Variants in PCDHGB6 observed in about 807,000 individuals in gnomAD.
PCDHGB6 encodes protocadherin gamma subfamily B, 6, also known as protocadherin gamma-B6.
PCDHGB6 carries 51 observed loss-of-function variants against 59.1 expected under a neutral mutation model. The observed-to-expected ratio is 0.86, with a 90% CI of 0.69 to 1.09. The LOEUF is 1.09. PCDHGB6 is among the 50% of genes least tolerant of loss of function. PCDHGB6 has a pLI of 0.00. For synonymous variants in PCDHGB6, 466 were observed against 495.1 expected, an observed-to-expected ratio of 0.94 and a Z score of 0.78; for missense variants, 1,148 against 1,205.1, an observed-to-expected ratio of 0.95 and a Z score of 0.70.
intron 1 of PCDHGB6, chr5:141,418,046 G>A (rs757311166): frequency 1.9e-6 from 3 of 1,613,888 alleles, no homozygotes; most frequent in Admixed American, 3.3e-5. Flanking sequence ...GGATGTGTCG[G>A]CTCGCGAGCT....
chr5:141,432,615 T>G lies in PCDHGB6; in HGVS notation c.2418+21995T>G. ...GCCAGCGAGCCGGGACTCTTCTCGG[T>G]GGGTCTGCACACGGGCGAGGTGCGC... On this transcript the variant is annotated intron_variant, in intron 1 of 3. Coordinates refer to ENST00000520790, the MANE Select transcript of PCDHGB6 (RefSeq NM_018926.3). The surrounding 1 kb of genome is among the most constrained non-coding windows in gnomAD (Gnocchi z 6.0). The G allele has an allele frequency of 2.5e-6, 4 of 1,613,820 alleles. No homozygotes were observed. The highest frequency in any genetic ancestry group is 1.1e-5 in the South Asian group (1 of 91,054).
intron 1 of PCDHGB6, chr5:141,415,994 C>G: frequency 6.6e-6 from 2 of 303,006 alleles, no homozygotes; most frequent in East Asian, 6.9e-5. Context: ...GTTCTGAAGG[C>G]AGGTCTGGTA....
At chr5:141,426,453 G>A (rs902416171) in intron 1 of PCDHGB6, 4 of 310,612 alleles carry the variant, frequency 1.3e-5, no homozygotes, top group African/African-American at 8.6e-5. Flanking sequence ...ACATGCGGCT[G>A]CATGTTCAGG....
rs755936344 is a variant in PCDHGB6, at chr5:141,490,704, C to T, written c.2419-4103C>T. ...ATCCAGACACTGGGGATAATGCCCG[C>T]CTCACCTACTCCATTGTAGGAAATC... On this transcript the variant is annotated intron_variant, in intron 1 of 3. Transcript: ENST00000520790. The surrounding 1 kb of genome is among the most constrained non-coding windows in gnomAD (Gnocchi z 5.4). 6.2e-7 allele frequency: 1 copy of T among 1,614,166 alleles called. No homozygotes were observed.
At chr5:141,458,100 A>AT (rs2098937418) in intron 1 of PCDHGB6, among the ~76,000 whole-genome samples, 1 of 152,252 alleles carries the variant, frequency 6.6e-6, no homozygotes, top group Non-Finnish European at 1.5e-5. Context: ...GAGTACTTAC[A>AT]GATAGTCTCC....
rs919100488 is a variant in PCDHGB6 at position 141,511,573 on chromosome 5, G to A, written c.*400G>A. On this transcript the variant is annotated 3_prime_UTR_variant, in exon 4 of 4. Transcript: ENST00000520790. ...ACAGTTCCTCTTTCCCGAGTAAGGT[G>A]GTTGGGGTGTTGAAGTACCAAGTAA... 1.1e-4 allele frequency: 33 copies of A among 288,248 alleles called. No individual in the cohort carries two copies. Among genetic ancestry groups the A allele is most frequent in the African/African-American group, 7.1e-4 (33 of 46,356 alleles). The allele number at this position is 288,248 out of a possible 1,614,324, so 17.9% of individuals were successfully genotyped here.
At chr5:141,419,521 C>A (rs1418329404) in intron 1 of PCDHGB6, 1 of 1,612,240 alleles carries the variant, frequency 6.2e-7, no homozygotes, top group Non-Finnish European at 8.5e-7. Context: ...TGGTGGGCGA[C>A]CGTAACGACA....
At chr5:141,423,927 T>G (rs2096791636) in intron 1 of PCDHGB6, 4 of 1,240,434 alleles carry the variant, frequency 3.2e-6, no homozygotes, top group Non-Finnish European at 4.1e-6. Flanking sequence ...TATGCTGGTT[T>G]GGTTTGAAGT....
intron 1 of PCDHGB6, among the ~76,000 whole-genome samples, chr5:141,462,763 G>A (rs935087747): frequency 2.6e-5 from 4 of 152,036 alleles, no homozygotes; most frequent in Non-Finnish European, 4.4e-5. Context: ...TTTTCTTCCT[G>A]GCTTGGGGTC....
chr5:141,447,225 C>T (rs966197293), intron 1 of PCDHGB6, among the ~76,000 whole-genome samples: 9 of 151,960 alleles, frequency 5.9e-5, no homozygotes, highest in African/African-American at 7.3e-5. Flanking sequence ...CTGCAACCTC[C>T]GCCTCCCGGG....
chr5:141,475,885 A>T, intron 1 of PCDHGB6: 1 of 556,524 alleles, frequency 1.8e-6, no homozygotes, highest in Non-Finnish European at 3.2e-6. Flanking sequence ...ATTGGCTGGG[A>T]CTCTGTGTGC....
Position 141,419,080 on chromosome 5 carries a change from T to G in PCDHGB6, c.2418+8460T>G, listed in dbSNP as rs1286490083. The G allele has an allele frequency of 3.1e-6, 5 of 1,613,842 alleles. No individual in the cohort carries two copies. The South Asian group carries it at 5.5e-5, about 18-fold the overall frequency. On this transcript the variant is annotated intron_variant, in intron 1 of 3. Transcript: ENST00000520790. ...ATAATTACTACAAGCTAGTAACAGA[T>G]GAGGCCCTGGATCGGGAGCAGACCC... is the stretch of plus-strand genomic sequence containing the variant.
rs1319222603 is a variant in PCDHGB6 at position 141,438,686 on chromosome 5, A to G, written c.2418+28066A>G. Among the ~76,000 whole-genome samples the G allele has an allele frequency of 2.8e-5, 4 of 140,922 alleles. No homozygotes were observed. The Admixed American group carries it at 2.9e-4, about 10-fold the overall frequency. 92.5% of individuals were successfully genotyped at this position (140,922 alleles called of 152,430 possible). On this transcript the variant is annotated intron_variant, in intron 1 of 3. Transcript: ENST00000520790. ...TATATATATTTGGAGTAGGGGATGGAGTCTTGCTCTGTCACCCAGGCTGGA... is the reference window on the plus strand; with the variant it reads ...TATATATATTTGGAGTAGGGGATGGGGTCTTGCTCTGTCACCCAGGCTGGA...
At chr5:141,430,396 A>G (rs1433813025) in intron 1 of PCDHGB6, among the ~76,000 whole-genome samples, 5 of 151,842 alleles carry the variant, frequency 3.3e-5, no homozygotes, top group Non-Finnish European at 7.4e-5. Context: ...AAAAAAAAAA[A>G]GCTCACTAAA....
chr5:141,415,649 A>C, intron 1 of PCDHGB6: 1 of 1,597,710 alleles, frequency 6.3e-7, no homozygotes, highest in Non-Finnish European at 8.5e-7. Context: ...GTTAAAAAAA[A>C]AAAGATTGGT....
At chr5:141,425,069 A>G (rs771114613) in intron 1 of PCDHGB6, among the ~76,000 whole-genome samples, 1 of 152,170 alleles carries the variant, frequency 6.6e-6, no homozygotes. Context: ...GACAAAAATA[A>G]TTTCAACTGT....
At chr5:141,446,642 A>T (rs939365233) in intron 1 of PCDHGB6, among the ~76,000 whole-genome samples, 2 of 151,970 alleles carry the variant, frequency 1.3e-5, no homozygotes, top group Admixed American at 1.3e-4. Flanking sequence ...ACGCCTGGCT[A>T]ATTTTTGTAT....
At chr5:141,451,334 C>G (rs916812246) in intron 1 of PCDHGB6, among the ~76,000 whole-genome samples, 4 of 152,192 alleles carry the variant, frequency 2.6e-5, no homozygotes, top group Non-Finnish European at 4.4e-5. Context: ...AGGCTATTGT[C>G]TTATCTGAAG....
intron 1 of PCDHGB6, among the ~76,000 whole-genome samples, chr5:141,439,221 T>G (rs145700274): frequency 1.2e-3 from 182 of 151,852 alleles, no homozygotes; most frequent in African/African-American, 4.3e-3. Flanking sequence ...ATGTGAAAAT[T>G]CTTAGAAGCT....
Sources: allele counts gnomAD v4.1 joint callset (sites outside exome capture counted in the v4.1 genomes callset), GRCh38; gene constraint gnomAD v4.1.1; non-coding constraint Gnocchi (gnomAD v3.1); transcripts MANE v1.5; gene names NCBI Gene and HGNC (gene_info 2026-07-23, HGNC 2026-07-21).